The following CDH13 variants were observed in gnomAD, a reference collection of about 807,000 sequenced individuals.
CDH13 encodes the protein cadherin-13.
CDH13 carries 24 observed loss-of-function variants against 63.8 expected under a neutral mutation model. That is an observed-to-expected ratio of 0.38 (90% CI 0.27 to 0.53). The LOEUF (loss-of-function observed/expected upper bound fraction) is 0.53, where lower values mean the gene tolerates loss of function less well. CDH13 is among the 20% of genes least tolerant of loss of function. The pLI is 0.85. For synonymous variants in CDH13, 503 were observed against 355.3 expected (o/e 1.42, Z -4.67); for missense variants, 1,049 against 903.1 (o/e 1.16, Z -2.07).
intron 1 of CDH13, among the ~76,000 whole-genome samples, chr16:82,712,138 G>A (rs1314826969): frequency 6.6e-6 from 1 of 151,822 alleles, no homozygotes; most frequent in African/African-American, 2.4e-5. Flanking sequence ...TCATCCAACT[G>A]CCTTTCATCT....
chr16:82,845,062 C>G (rs2039201823), intron 1 of CDH13, among the ~76,000 whole-genome samples: 1 of 152,038 alleles, frequency 6.6e-6, no homozygotes, highest in Non-Finnish European at 1.5e-5. Context: ...AGAGGAGAAC[C>G]AGGTACAGGT....
At chr16:83,471,004 C>G (rs956132566) in intron 6 of CDH13, among the ~76,000 whole-genome samples, 1 of 152,082 alleles carries the variant, frequency 6.6e-6, no homozygotes, top group Admixed American at 6.5e-5. Context: ...TGACGCCTTC[C>G]TTGGTCTTCA....
At chr16:83,210,193 TA>T (rs1263987995) in intron 4 of CDH13, among the ~76,000 whole-genome samples, 2 of 151,926 alleles carry the variant, frequency 1.3e-5, no homozygotes, top group African/African-American at 4.8e-5. Flanking sequence ...GCCTCCCGAG[TA>T]ACTGGGACTA....
intron 5 of CDH13, among the ~76,000 whole-genome samples, chr16:83,234,996 A>G (rs138402448): frequency 5.6e-4 from 85 of 152,300 alleles, no homozygotes; most frequent in African/African-American, 1.8e-3. Flanking sequence ...CAGGAGTTCA[A>G]TACCAGCCTG....
chr16:83,368,246 T>C (rs2091291397), intron 6 of CDH13, among the ~76,000 whole-genome samples: 1 of 152,232 alleles, frequency 6.6e-6, no homozygotes, highest in Non-Finnish European at 1.5e-5. Flanking sequence ...TTCTGTTTGT[T>C]ATACACTCAT....
intron 13 of CDH13, among the ~76,000 whole-genome samples, chr16:83,784,586 C>G (rs1341529703): frequency 1.4e-5 from 2 of 144,542 alleles, no homozygotes; most frequent in African/African-American, 2.6e-5. Context: ...GAGCCAAGAT[C>G]ATGCCATTGA....
intron 4 of CDH13, among the ~76,000 whole-genome samples, chr16:83,149,094 C>A (rs768364008): frequency 6.6e-6 from 1 of 152,142 alleles, no homozygotes; most frequent in Non-Finnish European, 1.5e-5. Context: ...TATCTTGTTA[C>A]TATGGCTACA....
chr16:83,779,440 T>TAAAAAAAAA (rs1915362976), intron 11 of CDH13, among the ~76,000 whole-genome samples: 2 of 43,700 alleles, frequency 4.6e-5, no homozygotes, highest in East Asian at 5.3e-4. Context: ...AAAAAAAAAG[T>TAAAAAAAAA]CTTATATATG....
chr16:83,417,660 A>G (rs1391405877), intron 6 of CDH13, among the ~76,000 whole-genome samples: 1 of 152,204 alleles, frequency 6.6e-6, no homozygotes, highest in African/African-American at 2.4e-5. Flanking sequence ...CAGCTAGAGA[A>G]ACTCCAAAGC....
intron 7 of CDH13, among the ~76,000 whole-genome samples, chr16:83,529,233 C>A (rs186821361): frequency 3.3e-5 from 5 of 151,996 alleles, no homozygotes; most frequent in Non-Finnish European, 7.4e-5. Flanking sequence ...GTCCAGTGTA[C>A]GTGGATTGGA....
chr16:82,695,325 T>C (rs2030140026), intron 1 of CDH13, among the ~76,000 whole-genome samples: 1 of 152,220 alleles, frequency 6.6e-6, no homozygotes, highest in African/African-American at 2.4e-5. Flanking sequence ...TGAAAGCAAA[T>C]ACCAATTTGC....
chr16:83,047,846 C>G lies in CDH13; in HGVS notation c.366+15628C>G, dbSNP rs563582937. On this transcript the variant is annotated intron_variant, in intron 3 of 13. Coordinates refer to ENST00000567109, the MANE Select transcript of CDH13 (RefSeq NM_001257.5). The surrounding 1 kb of genome is among the most constrained non-coding windows in gnomAD (Gnocchi z 4.9). ...AAGTCATATAATCTTTATAATAACT[C>G]TATAATATAGGTCCTATTTTATCTT... is the stretch of plus-strand genomic sequence containing the variant. 1.3e-5 allele frequency among the ~76,000 whole-genome samples: 2 copies of G among 152,246 alleles called. No individual in the cohort carries two copies. Among genetic ancestry groups the G allele is most frequent in the South Asian group, 4.1e-4 (2 of 4,826 alleles).
At chr16:83,053,646 A>T (rs1465362295) in intron 3 of CDH13, among the ~76,000 whole-genome samples, 1 of 152,228 alleles carries the variant, frequency 6.6e-6, no homozygotes, top group East Asian at 1.9e-4. Context: ...TATATCCTGT[A>T]AATATTAACC....
At chr16:83,089,349 T>C (rs145882499) in intron 3 of CDH13, among the ~76,000 whole-genome samples, 7 of 152,382 alleles carry the variant, frequency 4.6e-5, no homozygotes, top group Admixed American at 2.0e-4. Context: ...CCATATTGTT[T>C]AATCATCACT....
intron 6 of CDH13, among the ~76,000 whole-genome samples, chr16:83,348,063 G>T (rs956790793): frequency 6.6e-6 from 1 of 152,146 alleles, no homozygotes; most frequent in Non-Finnish European, 1.5e-5. Context: ...GGTGGTGGGT[G>T]CCTGTAATCC....
At chr16:83,046,985 G>A (rs1162420987) in intron 3 of CDH13, among the ~76,000 whole-genome samples, 1 of 152,166 alleles carries the variant, frequency 6.6e-6, no homozygotes, top group African/African-American at 2.4e-5. Flanking sequence ...AAATCAGATG[G>A]TTTCCTCAAC....
intron 1 of CDH13, chr16:82,639,556 C>T (rs1597187905): frequency 1.3e-6 from 1 of 791,734 alleles, no homozygotes; most frequent in East Asian, 2.7e-5. Context: ...GTGCTTCCTG[C>T]AAGCTACTCT....
intron 11 of CDH13, among the ~76,000 whole-genome samples, chr16:83,752,612 T>C (rs181636026): frequency 6.6e-6 from 1 of 152,340 alleles, no homozygotes; most frequent in African/African-American, 2.4e-5. Flanking sequence ...ACCTTACAGC[T>C]GTTTCTCATC....
In CDH13 at chr16:82,894,857, C is replaced by G. The variant is rs147616343; in HGVS notation, c.157+36384C>G. Among the ~76,000 whole-genome samples the G allele has an allele frequency of 2.0e-5, 3 of 152,248 alleles. No homozygotes were observed. In the East Asian group the frequency reaches 5.8e-4, roughly 29 times the overall value. ...AGTGTGCTCTAACCAGAGAGGAAGACTATGGCGAAGGCCTTGGTGAGTCTG... is the reference window on the plus strand; with the variant it reads ...AGTGTGCTCTAACCAGAGAGGAAGAGTATGGCGAAGGCCTTGGTGAGTCTG... On this transcript the variant is annotated intron_variant, in intron 2 of 13. Transcript: ENST00000567109.
Sources: allele counts gnomAD v4.1 joint callset (sites outside exome capture counted in the v4.1 genomes callset), GRCh38; gene constraint gnomAD v4.1.1; non-coding constraint Gnocchi (gnomAD v3.1); transcripts MANE v1.5; gene names NCBI Gene and HGNC (gene_info 2026-07-23, HGNC 2026-07-21).